Variants in FGF14 observed in about 807,000 individuals in gnomAD.
FGF14 encodes the protein fibroblast growth factor homologous factor 4.
FGF14 carries 5 observed loss-of-function variants against 25.5 expected under a neutral mutation model. The observed-to-expected ratio is 0.20, with a 90% CI of 0.10 to 0.41. The LOEUF (loss-of-function observed/expected upper bound fraction) is 0.41, where lower values mean the gene tolerates loss of function less well. Ranked by LOEUF, FGF14 falls within the 10% of genes least tolerant of loss-of-function variation. The probability of loss-of-function intolerance (pLI) is 1.00; values close to 1 mark genes in which losing one functional copy is unlikely to be tolerated. For synonymous variants in FGF14, 138 were observed against 118.3 expected (o/e 1.17, Z -1.08); for missense variants, 222 against 320.1 (o/e 0.69, Z 2.34).
intron 1 of FGF14, among the ~76,000 whole-genome samples, chr13:102,143,121 T>C (rs1039292902): frequency 3.9e-5 from 6 of 152,136 alleles, no homozygotes; most frequent in African/African-American, 1.4e-4. Flanking sequence ...TACCCACTTA[T>C]CCTCCCAGTG....
intron 3 of FGF14, among the ~76,000 whole-genome samples, chr13:101,851,459 G>A (rs1394743355): frequency 6.6e-6 from 1 of 152,032 alleles, no homozygotes; most frequent in Admixed American, 6.6e-5. Flanking sequence ...CAGGTTTGCG[G>A]TACTTTGTTA....
upstream of FGF14, among the ~76,000 whole-genome samples, chr13:102,401,971 G>A (rs1222939604): frequency 4.0e-5 from 6 of 151,476 alleles, no homozygotes; most frequent in African/African-American, 1.5e-4. Flanking sequence ...CTATGAGGAT[G>A]GGTGGATCTG....
rs548153799 is a variant in FGF14 at position 101,869,257 on chromosome 13, A to G, written c.305-429T>C. Among the ~76,000 whole-genome samples, 3 of 152,330 alleles carry G rather than the reference A, an allele frequency of 2.0e-5. No individual in the cohort carries two copies. The East Asian group carries it at 5.8e-4, about 29-fold the overall frequency. On this transcript the variant is annotated intron_variant, in intron 2 of 4. Coordinates refer to ENST00000376143, the MANE Select transcript of FGF14 (RefSeq NM_004115.4). ...GTCATTGCAATGAGGTCAGGCCAGA[A>G]GTTAAACAGGTGATTCCAAAACTAA...
intron 1 of FGF14, among the ~76,000 whole-genome samples, chr13:101,990,947 T>A (rs1007490718): frequency 3.3e-5 from 5 of 152,074 alleles, no homozygotes; most frequent in African/African-American, 1.2e-4. Flanking sequence ...TCTAGCACAA[T>A]TGAATCTAAA....
chr13:101,891,055 A>G lies in FGF14; in HGVS notation c.194-15759T>C, dbSNP rs138699223. Among the ~76,000 whole-genome samples the G allele has an allele frequency of 2.5e-3, 381 of 152,302 alleles. 4 individuals carry two copies. Among genetic ancestry groups the G allele is most frequent in the African/African-American group, 8.7e-3 (361 of 41,570 alleles). Reference sequence around the variant, plus strand: ...CCTTAGTACAGGCTAAGCCGAGGTTAAAACTTTTTCTTCTTTTGCTATTTA... The same window carrying G: ...CCTTAGTACAGGCTAAGCCGAGGTTGAAACTTTTTCTTCTTTTGCTATTTA... On this transcript the variant is annotated intron_variant, in intron 1 of 4. Transcript: ENST00000376143.
At chr13:101,954,418 A>G (rs1027420671) in intron 1 of FGF14, among the ~76,000 whole-genome samples, 14 of 152,160 alleles carry the variant, frequency 9.2e-5, no homozygotes, top group African/African-American at 3.4e-4. Context: ...GGCTTGAGAG[A>G]AGACAGGCCC....
At chr13:102,206,768 C>A (rs1044428651) in intron 1 of FGF14, among the ~76,000 whole-genome samples, 3 of 152,106 alleles carry the variant, frequency 2.0e-5, no homozygotes, top group Non-Finnish European at 4.4e-5. Context: ...GAAAATATCA[C>A]GTGAATCAAT....
At chr13:102,393,056 C>T (rs941162005) in intron 1 of FGF14, among the ~76,000 whole-genome samples, 3 of 152,186 alleles carry the variant, frequency 2.0e-5, no homozygotes, top group Non-Finnish European at 4.4e-5. Context: ...TTGACGCCCC[C>T]AAAGCTTAAA....
intron 3 of FGF14, among the ~76,000 whole-genome samples, chr13:101,820,546 T>C (rs1032703000): frequency 6.6e-6 from 1 of 152,192 alleles, no homozygotes; most frequent in Non-Finnish European, 1.5e-5. Context: ...ATTAAAGCAA[T>C]ATCATGTTTC....
At chr13:101,831,910 C>T (rs922461294) in intron 3 of FGF14, among the ~76,000 whole-genome samples, 2 of 151,850 alleles carry the variant, frequency 1.3e-5, no homozygotes, top group South Asian at 4.2e-4. Flanking sequence ...CAATATTGGG[C>T]GTGATAGTGT....
At chr13:101,832,796 G>T (rs1015208342) in intron 3 of FGF14, among the ~76,000 whole-genome samples, 1 of 151,994 alleles carries the variant, frequency 6.6e-6, no homozygotes, top group African/African-American at 2.4e-5. Context: ...AAGAATTCTC[G>T]AGAAAGGTTT....
intron 1 of FGF14, among the ~76,000 whole-genome samples, chr13:102,335,049 T>C (rs776139228): frequency 2.6e-5 from 4 of 152,180 alleles, no homozygotes; most frequent in African/African-American, 4.8e-5. Context: ...CAAACCCTAC[T>C]TTCCTATAAT....
rs2058681659 is a variant in FGF14 at position 102,400,628 on chromosome 13, G to A, written c.208+843C>T. Among the ~76,000 whole-genome samples, 1 of 152,218 alleles carries A rather than the reference G, an allele frequency of 6.6e-6. No homozygotes were observed. The highest frequency in any genetic ancestry group is 2.1e-4 in the South Asian group (1 of 4,832). On this transcript the variant is annotated intron_variant, in intron 1 of 4. Transcript: ENST00000376131. This position sits in a 1 kb window ranked among gnomAD's most constrained non-coding sequence, Gnocchi z 4.3. ...AATCAGATGCATTTGCATTTCTTAT[G>A]TAATGTACTGCAAGTTCCCTTGTTG... is the stretch of plus-strand genomic sequence containing the variant.
intron 1 of FGF14, among the ~76,000 whole-genome samples, chr13:101,943,816 A>G (rs1450566985): frequency 1.7e-4 from 14 of 83,064 alleles, no homozygotes; most frequent in African/African-American, 9.9e-4. Flanking sequence ...TCTACTTAAA[A>G]AAAAAAAAAA....
At chr13:102,174,527 T>C (rs370106963) in intron 1 of FGF14, among the ~76,000 whole-genome samples, 1 of 151,874 alleles carries the variant, frequency 6.6e-6, no homozygotes, top group East Asian at 1.9e-4. Context: ...CTCAATTCCA[T>C]TTACAATAGC....
intron 1 of FGF14, among the ~76,000 whole-genome samples, chr13:102,386,622 TGTAAGACACAGA>T (rs2058310497): frequency 6.6e-6 from 1 of 152,160 alleles, no homozygotes; most frequent in Non-Finnish European, 1.5e-5. Context: ...AGAGTAAAGT[TGTAAGACACAGA>T]GTGAACTGAA....
intron 1 of FGF14, among the ~76,000 whole-genome samples, chr13:102,251,286 CT>C (rs1447076242): frequency 6.6e-6 from 1 of 152,054 alleles, no homozygotes; most frequent in Non-Finnish European, 1.5e-5. Flanking sequence ...TTGAAAATTC[CT>C]TTTATTTCCT....
At chr13:102,014,847 G>A (rs886605394) in intron 1 of FGF14, among the ~76,000 whole-genome samples, 2 of 152,084 alleles carry the variant, frequency 1.3e-5, no homozygotes, top group Admixed American at 6.6e-5. Flanking sequence ...AATTAAGAAC[G>A]GTCATGTGTG....
At chr13:102,170,641 T>C (rs902584639) in intron 1 of FGF14, among the ~76,000 whole-genome samples, 18 of 152,074 alleles carry the variant, frequency 1.2e-4, no homozygotes, top group Non-Finnish European at 2.2e-4. Flanking sequence ...GGCCGAGATG[T>C]CCCTCAGCAA....
Sources: gnomAD v4.1 joint callset for allele counts (sites outside exome capture counted in the v4.1 genomes callset) on GRCh38, gnomAD v4.1.1 for gene constraint, Gnocchi (gnomAD v3.1) non-coding constraint, MANE v1.5 for transcripts, NCBI Gene and HGNC (gene_info 2026-07-23, HGNC 2026-07-21) for gene names.